HOMER1: variants seen among roughly 807,000 people sequenced by gnomAD.
The protein encoded by HOMER1 is homer protein homolog 1.
In HOMER1, 3 loss-of-function variants were observed where a neutral mutation model predicts 48.9. The observed-to-expected ratio is 0.06, with a 90% CI of 0.03 to 0.16. HOMER1 has a LOEUF of 0.16. Among genes scored for constraint, HOMER1 ranks in the 10% least tolerant of loss-of-function variants. HOMER1 has a pLI of 1.00. For missense variants in HOMER1, 247 were observed against 411.4 expected, an observed-to-expected ratio of 0.60 and a Z score of 3.46; for synonymous variants, 134 against 146.4, an observed-to-expected ratio of 0.92 and a Z score of 0.61.
intron 5 of HOMER1, among the ~76,000 whole-genome samples, chr5:79,423,869 GA>G (rs1210392228): frequency 1.3e-5 from 2 of 152,064 alleles, no homozygotes; most frequent in Non-Finnish European, 2.9e-5. Context: ...ACAGCTAGAA[GA>G]ACCTAAGTGC....
At chr5:79,465,869 G>A (rs575570584) in intron 1 of HOMER1, among the ~76,000 whole-genome samples, 6 of 151,940 alleles carry the variant, frequency 3.9e-5, no homozygotes, top group South Asian at 4.2e-4. Context: ...CTGGGATTAC[G>A]GGCGTGAGCT....
At chr5:79,401,845 G>C (rs747144404) in intron 6 of HOMER1, 54 bp downstream of exon 6, 1 of 1,561,442 alleles carries the variant, frequency 6.4e-7, no homozygotes, top group Non-Finnish European at 8.7e-7. Flanking sequence ...AATTTCTTCT[G>C]ATCAAGAAAA....
chr5:79,504,408 A>C (rs901994781), intron 1 of HOMER1, among the ~76,000 whole-genome samples: 20 of 115,394 alleles, frequency 1.7e-4, no homozygotes, highest in African/African-American at 8.6e-4. Context: ...CAAAAGAATA[A>C]GCAAAAAAAA....
intron 5 of HOMER1, among the ~76,000 whole-genome samples, chr5:79,435,818 G>A (rs908152654): frequency 1.3e-5 from 2 of 148,766 alleles, no homozygotes; most frequent in African/African-American, 5.0e-5. Flanking sequence ...GCAACAGAGT[G>A]AGACTCTGTC....
chr5:79,380,628 A>G (rs143425001), intron 8 of HOMER1, among the ~76,000 whole-genome samples: 181 of 152,232 alleles, frequency 1.2e-3, no homozygotes, highest in African/African-American at 4.1e-3. Flanking sequence ...CCTACCTACC[A>G]TGGCTGGCAC....
chr5:79,488,175 C>T (rs1489623087), intron 1 of HOMER1, among the ~76,000 whole-genome samples: 1 of 152,210 alleles, frequency 6.6e-6, no homozygotes, highest in Non-Finnish European at 1.5e-5. Flanking sequence ...CAGGGTTTTG[C>T]TGTCTGCTTT....
At chr5:79,489,707 A>G (rs1013042742) in intron 1 of HOMER1, among the ~76,000 whole-genome samples, 1 of 152,226 alleles carries the variant, frequency 6.6e-6, no homozygotes, top group East Asian at 1.9e-4. Context: ...TGAAAAATCT[A>G]CTTTAAAATG....
chr5:79,505,569 CAA>C (rs1343973820), intron 1 of HOMER1, among the ~76,000 whole-genome samples: 7 of 152,072 alleles, frequency 4.6e-5, no homozygotes, highest in Non-Finnish European at 1.0e-4. Context: ...CAACACTTCT[CAA>C]AAGATAACAT....
At chr5:79,473,589 G>A (rs1328240563) in intron 1 of HOMER1, among the ~76,000 whole-genome samples, 1 of 152,088 alleles carries the variant, frequency 6.6e-6, no homozygotes, top group Non-Finnish European at 1.5e-5. Context: ...TGGACAAAGT[G>A]GTAATACCTA....
At chr5:79,391,086 G>C (rs1316426120) in intron 8 of HOMER1, among the ~76,000 whole-genome samples, 1 of 150,144 alleles carries the variant, frequency 6.7e-6, no homozygotes, top group Non-Finnish European at 1.5e-5. Flanking sequence ...AAATTCATCA[G>C]GTAAATTCAT....
At chr5:79,450,836 T>C (rs529136696) in intron 3 of HOMER1, among the ~76,000 whole-genome samples, 154 bp downstream of exon 3, 122 of 152,376 alleles carry the variant, frequency 8.0e-4, no homozygotes, top group Non-Finnish European at 1.5e-3. Context: ...CAGAATCTAA[T>C]GATCTCTTAC....
chr5:79,422,984 G>A (rs1750144315), intron 5 of HOMER1, among the ~76,000 whole-genome samples: 1 of 151,892 alleles, frequency 6.6e-6, no homozygotes, highest in South Asian at 2.1e-4. Flanking sequence ...GTCTTCCCTG[G>A]TCCTTTTGGG....
At chr5:79,466,893 G>A (rs562423008) in intron 1 of HOMER1, among the ~76,000 whole-genome samples, 16 of 152,104 alleles carry the variant, frequency 1.1e-4, no homozygotes, top group Middle Eastern at 3.4e-3. Flanking sequence ...CTGGATTCAA[G>A]CAATTCTCCT....
At chr5:79,504,810 G>A (rs138210212) in intron 1 of HOMER1, among the ~76,000 whole-genome samples, 175 of 152,034 alleles carry the variant, frequency 1.2e-3, no homozygotes, top group Middle Eastern at 3.4e-3. Context: ...TCCAACTATC[G>A]GCCTAATTGC....
chr5:79,427,843 C>T (rs1268597829), intron 5 of HOMER1, among the ~76,000 whole-genome samples: 1 of 144,942 alleles, frequency 6.9e-6, no homozygotes, highest in Non-Finnish European at 1.5e-5. Context: ...CCTTTCCTTC[C>T]TTCAAGGTTT....
chr5:79,456,733 T>C (rs2112302433), intron 2 of HOMER1, 129 bp downstream of exon 2: 1 of 794,778 alleles, frequency 1.3e-6, no homozygotes, highest in East Asian at 2.7e-5. Flanking sequence ...CCATTTTGTT[T>C]CTTAAAAGTT....
At chr5:79,506,309 A>G (rs542680657) in intron 1 of HOMER1, among the ~76,000 whole-genome samples, 4 of 152,304 alleles carry the variant, frequency 2.6e-5, no homozygotes, top group African/African-American at 9.6e-5. Flanking sequence ...ATTTCCCTCA[A>G]AAATACTGCT....
At chr5:79,396,987 A>G (rs1749403432) in intron 7 of HOMER1, 84 bp from the exon 8 acceptor site, 3 of 707,258 alleles carry the variant, frequency 4.2e-6, no homozygotes, top group African/African-American at 3.7e-5. Context: ...TTATTGTTCT[A>G]GTTCTTAGAA....
chr5:79,512,365 T>C (rs766280860), intron 1 of HOMER1, among the ~76,000 whole-genome samples: 3 of 152,226 alleles, frequency 2.0e-5, no homozygotes, highest in Non-Finnish European at 4.4e-5. Flanking sequence ...AACCACTCAT[T>C]AAAATCGTTC....
Sources: gnomAD v4.1 joint callset for allele counts (sites outside exome capture counted in the v4.1 genomes callset) on GRCh38, gnomAD v4.1.1 for gene constraint, MANE v1.5 for transcripts, NCBI Gene and HGNC (gene_info 2026-07-23, HGNC 2026-07-21) for gene names.